Variants in DNM3 observed in about 807,000 individuals in gnomAD.
DNM3 encodes dynamin-3.
Under a neutral mutation model 101.6 loss-of-function variants are expected in DNM3, and 47 were observed. The ratio of observed to expected loss-of-function variants is 0.46; its 90% CI spans 0.37 to 0.59. The LOEUF (loss-of-function observed/expected upper bound fraction) is 0.59, where lower values mean the gene tolerates loss of function less well. DNM3 is among the 20% of genes least tolerant of loss of function. DNM3 has a pLI of 0.00. For missense variants in DNM3, 849 were observed against 1,085.7 expected, an observed-to-expected ratio of 0.78 and a Z score of 3.06; for synonymous variants, 385 against 387.9, an observed-to-expected ratio of 0.99 and a Z score of 0.09.
chr1:171,978,229 G>A (rs1230854502), intron 2 of DNM3, among the ~76,000 whole-genome samples: 3 of 152,120 alleles, frequency 2.0e-5, no homozygotes, highest in Non-Finnish European at 2.9e-5. Flanking sequence ...TTCAGACAGT[G>A]ACCATGTGCA....
At chr1:172,269,331 A>G (rs1044743440) in intron 15 of DNM3, among the ~76,000 whole-genome samples, 2 of 152,196 alleles carry the variant, frequency 1.3e-5, no homozygotes, top group African/African-American at 2.4e-5. Context: ...TGCTTTCCCC[A>G]CTACCCTCGT....
At chr1:172,142,985 TTACTA>T (rs1255121990) in intron 14 of DNM3, among the ~76,000 whole-genome samples, 1 of 152,026 alleles carries the variant, frequency 6.6e-6, no homozygotes, top group Non-Finnish European at 1.5e-5. Context: ...AAGGATAACT[TTACTA>T]TATCATCTAA....
At chr1:172,202,322 GAAA>G (rs1022394651) in intron 14 of DNM3, among the ~76,000 whole-genome samples, 1 of 152,080 alleles carries the variant, frequency 6.6e-6, no homozygotes, top group African/African-American at 2.4e-5. Context: ...ATTCATCTGT[GAAA>G]CCATCTAGGC....
chr1:172,204,952 T>A (rs1459560350), intron 14 of DNM3, among the ~76,000 whole-genome samples: 1 of 152,162 alleles, frequency 6.6e-6, no homozygotes, highest in African/African-American at 2.4e-5. Context: ...TTTTAATAAG[T>A]AGTGAATTCA....
At chr1:172,186,634 A>C (rs956199766) in intron 14 of DNM3, among the ~76,000 whole-genome samples, 1 of 152,060 alleles carries the variant, frequency 6.6e-6, no homozygotes, top group African/African-American at 2.4e-5. Context: ...TGCTTCTTCA[A>C]GGGACTTCTC....
chr1:172,048,496 C>A, intron 9 of DNM3, 116 bp from the exon 10 acceptor site: 1 of 1,209,082 alleles, frequency 8.3e-7, no homozygotes, highest in Non-Finnish European at 1.1e-6. Flanking sequence ...AACTTTTAAA[C>A]TTGGTCTATT....
chr1:172,055,848 C>G (rs905782652), intron 10 of DNM3, among the ~76,000 whole-genome samples: 1 of 152,084 alleles, frequency 6.6e-6, no homozygotes. Flanking sequence ...GCCAAGATGG[C>G]CAAATAGGAA....
intron 14 of DNM3, among the ~76,000 whole-genome samples, chr1:172,149,662 A>C (rs2058054317): frequency 6.6e-6 from 1 of 152,142 alleles, no homozygotes; most frequent in African/African-American, 2.4e-5. Context: ...GGACAAGAGA[A>C]TCATGGTGTC....
Position 172,409,888 on chromosome 1 carries a change from T to G in DNM3, c.*2047T>G, listed in dbSNP as rs894188688. ...ATTTTCCTTCTGTTAAAGGAAAATA[T>G]TGTGAATAACCACTGGTGTGTTCTT... On this transcript the variant is annotated 3_prime_UTR_variant, in exon 21 of 21. Coordinates refer to ENST00000627582, the MANE Select transcript of DNM3 (RefSeq NM_015569.5). The G allele has an allele frequency of 1.0e-6, 1 of 985,780 alleles. No individual in the cohort carries two copies. The highest frequency in any genetic ancestry group is 1.2e-6 in the Non-Finnish European group (1 of 829,878). 61.1% of individuals were successfully genotyped at this position (985,780 alleles called of 1,614,324 possible). A position where few individuals can be genotyped will look rare whatever the true frequency, so the allele number is the denominator to read the frequency against.
chr1:172,369,833 GT>G (rs2068229306), intron 17 of DNM3, among the ~76,000 whole-genome samples: 1 of 151,908 alleles, frequency 6.6e-6, no homozygotes, highest in South Asian at 2.1e-4. Context: ...CAAGATAAAT[GT>G]ATTTTTCACA....
At chr1:172,392,749 C>T (rs1413771816) in intron 20 of DNM3, among the ~76,000 whole-genome samples, 1 of 152,124 alleles carries the variant, frequency 6.6e-6, no homozygotes, top group Non-Finnish European at 1.5e-5. Flanking sequence ...GGGTCTCCAA[C>T]CAAGCAAGAA....
Position 172,410,971 on chromosome 1 carries a change from T to C in DNM3, c.*3130T>C, listed in dbSNP as rs577388792. On this transcript the variant is annotated 3_prime_UTR_variant, in exon 21 of 21. Coordinates refer to ENST00000627582, the MANE Select transcript of DNM3 (RefSeq NM_015569.5). The stretch of plus-strand genomic sequence containing the variant: ...CTCTGTGTATATGGCATATACCTAG[T>C]AAGTATGTTTCTGTAAGTATGTGTA... 6 of 985,248 alleles carry C rather than the reference T, an allele frequency of 6.1e-6. No individual in the cohort carries two copies. The South Asian group carries it at 2.3e-4, about 39-fold the overall frequency. The allele number at this position is 985,248 out of a possible 1,614,324, so 61.0% of individuals were successfully genotyped here. A position where few individuals can be genotyped will look rare whatever the true frequency, so the allele number is the denominator to read the frequency against.
chr1:172,306,501 C>A (rs1259359846), intron 15 of DNM3, among the ~76,000 whole-genome samples: 2 of 152,156 alleles, frequency 1.3e-5, no homozygotes, highest in Non-Finnish European at 2.9e-5. Context: ...CTAACAATGA[C>A]TTTCTTCACA....
chr1:171,885,342 C>A (rs571626259), intron 1 of DNM3, among the ~76,000 whole-genome samples: 1 of 152,216 alleles, frequency 6.6e-6, no homozygotes, highest in East Asian at 1.9e-4. Flanking sequence ...AGCAAAACAT[C>A]AAAACATACA....
chr1:172,239,344 G>C (rs1557866056), intron 14 of DNM3, among the ~76,000 whole-genome samples: 1 of 152,134 alleles, frequency 6.6e-6, no homozygotes, highest in Non-Finnish European at 1.5e-5. Context: ...TGTGTTTATG[G>C]GTGGGAAGAT....
intron 14 of DNM3, among the ~76,000 whole-genome samples, chr1:172,144,051 A>G (rs1181273943): frequency 1.3e-5 from 2 of 152,126 alleles, no homozygotes; most frequent in Non-Finnish European, 2.9e-5. Context: ...AAGTTTTTAA[A>G]TCTTTGAATT....
intron 14 of DNM3, among the ~76,000 whole-genome samples, chr1:172,232,743 A>G (rs184809952): frequency 2.5e-3 from 377 of 152,278 alleles, no homozygotes; most frequent in Admixed American, 3.9e-3. Flanking sequence ...CTCACTCAAA[A>G]CCGCTCAACT....
chr1:172,100,232 TCAACCTTTTGTATTATAGGCTG>T (rs1181260327), intron 13 of DNM3, among the ~76,000 whole-genome samples: 4 of 152,198 alleles, frequency 2.6e-5, no homozygotes, highest in Admixed American at 2.6e-4. Flanking sequence ...AACTGGATTA[TCAACCTTTTGTATTATAGGCTG>T]CAAACAGAAA....
chr1:172,316,641 A>G (rs958126991), intron 16 of DNM3, among the ~76,000 whole-genome samples: 2 of 152,128 alleles, frequency 1.3e-5, no homozygotes, highest in African/African-American at 4.8e-5. Flanking sequence ...AGAGACAAAG[A>G]AGGCTATTAC....
Sources: gnomAD v4.1 joint callset for allele counts (sites outside exome capture counted in the v4.1 genomes callset) on GRCh38, gnomAD v4.1.1 for gene constraint, MANE v1.5 for transcripts, NCBI Gene and HGNC (gene_info 2026-07-23, HGNC 2026-07-21) for gene names.